CHIC1: variants seen among roughly 807,000 people sequenced by gnomAD.
The protein encoded by CHIC1 is cysteine-rich hydrophobic domain-containing protein 1.
Under a neutral mutation model 18.5 loss-of-function variants are expected in CHIC1, and 7 were observed. The ratio of observed to expected loss-of-function variants is 0.38; its 90% CI spans 0.22 to 0.71. The LOEUF is 0.71. CHIC1 is among the 30% of genes least tolerant of loss of function. The pLI is 0.49. For missense variants in CHIC1, 159 were observed against 176.9 expected (o/e 0.90, Z 0.57); for synonymous variants, 77 against 73.5 (o/e 1.05, Z -0.25).
intron 5 of CHIC1, among the ~76,000 whole-genome samples, 187 bp from the exon 6 acceptor site, chrX:73,680,768 A>G (rs1018033432): frequency 9.0e-6 from 1 of 111,215 alleles, no homozygotes; most frequent in African/African-American, 3.2e-5. Flanking sequence ...TAATTTTTAA[A>G]TTGCCAATCT....
intron 1 of CHIC1, among the ~76,000 whole-genome samples, chrX:73,575,019 A>C (rs1250301084): frequency 9.1e-6 from 1 of 109,930 alleles, no homozygotes; most frequent in Non-Finnish European, 1.9e-5. Flanking sequence ...CATTTCTTTA[A>C]AGTGACCCTA....
At chrX:73,656,753 G>T (rs1307782427) in intron 3 of CHIC1, among the ~76,000 whole-genome samples, 1 of 111,855 alleles carries the variant, frequency 8.9e-6, no homozygotes, top group Non-Finnish European at 1.9e-5. Context: ...CAGCTTTATT[G>T]TTTTTTGCTT....
chrX:73,614,417 A>G (rs777449490), intron 3 of CHIC1, among the ~76,000 whole-genome samples: 9 of 111,493 alleles, frequency 8.1e-5, no homozygotes, highest in African/African-American at 2.9e-4. Flanking sequence ...ATCTCTTGCT[A>G]GGAAACTTAG....
At chrX:73,581,804 G>A (rs1020269725) in intron 2 of CHIC1, among the ~76,000 whole-genome samples, 17 of 111,151 alleles carry the variant, frequency 1.5e-4, no homozygotes, top group African/African-American at 4.2e-4. Flanking sequence ...AAAGAAGAAA[G>A]TGTTGGCAGG....
At chrX:73,676,349 C>T (rs1357429575) in intron 3 of CHIC1, among the ~76,000 whole-genome samples, 1 of 112,087 alleles carries the variant, frequency 8.9e-6, no homozygotes, top group Non-Finnish European at 1.9e-5. Flanking sequence ...ATCCATTCTC[C>T]CTGTCACTTT....
chrX:73,608,072 T>C (rs1198783579), intron 3 of CHIC1, among the ~76,000 whole-genome samples: 1 of 109,483 alleles, frequency 9.1e-6, no homozygotes, highest in African/African-American at 3.5e-5. Context: ...TACACTTGAG[T>C]TAATTTTTAT....
Position 73,684,097 on chromosome X carries a change from G to A in CHIC1, c.*3092G>A, listed in dbSNP as rs1019403965. The A allele has an allele frequency of 9.0e-6, 1 of 111,605 alleles. No homozygotes were observed. The highest frequency in any genetic ancestry group is 3.2e-5 in the African/African-American group (1 of 30,787). 9.2% of individuals were successfully genotyped at this position (111,605 alleles called of 1,213,427 possible). A position where few individuals can be genotyped will look rare whatever the true frequency, so the allele number is the denominator to read the frequency against. On this transcript the variant is annotated 3_prime_UTR_variant, in exon 6 of 6. Coordinates refer to ENST00000373502, the MANE Select transcript of CHIC1 (RefSeq NM_001039840.4). ...CTAGGTCTAAGAATACTTTACTAGT[G>A]TATTATCTTTTATTTATTATGTAAA... is the stretch of plus-strand genomic sequence containing the variant.
intron 3 of CHIC1, among the ~76,000 whole-genome samples, chrX:73,667,735 G>C (rs912954682): frequency 9.0e-6 from 1 of 111,282 alleles, no homozygotes; most frequent in Non-Finnish European, 1.9e-5. Context: ...TAGTCTCATG[G>C]AAGACTGCTC....
chrX:73,588,311 T>TC (rs1284809861), intron 3 of CHIC1, among the ~76,000 whole-genome samples: 2 of 111,149 alleles, frequency 1.8e-5, no homozygotes, highest in Non-Finnish European at 3.8e-5. Flanking sequence ...CAACCACTGA[T>TC]CTACTTTCTC....
At chrX:73,651,747 A>G (rs974501101) in intron 3 of CHIC1, among the ~76,000 whole-genome samples, 1 of 111,688 alleles carries the variant, frequency 9.0e-6, no homozygotes, top group Non-Finnish European at 1.9e-5. Flanking sequence ...GAGGACACAA[A>G]CAAATGGAAA....
intron 3 of CHIC1, among the ~76,000 whole-genome samples, chrX:73,617,009 A>G: frequency 8.9e-6 from 1 of 112,473 alleles, no homozygotes; most frequent in Middle Eastern, 4.6e-3. Flanking sequence ...TTTCTATCAC[A>G]TCATCAGGCT....
chrX:73,668,836 C>G (rs2058016729), intron 3 of CHIC1, among the ~76,000 whole-genome samples: 1 of 112,514 alleles, frequency 8.9e-6, no homozygotes, highest in Non-Finnish European at 1.9e-5. Flanking sequence ...GATCAGGCAC[C>G]AACTTAAGCA....
intron 3 of CHIC1, among the ~76,000 whole-genome samples, chrX:73,636,889 T>A (rs926435326): frequency 3.8e-4 from 42 of 111,357 alleles, no homozygotes; most frequent in African/African-American, 1.3e-3. Context: ...CACAATTATT[T>A]TATGTGTTTA....
At chrX:73,576,102 G>A in intron 1 of CHIC1, among the ~76,000 whole-genome samples, 1 of 108,459 alleles carries the variant, frequency 9.2e-6, no homozygotes. Context: ...AAGTCTTTAG[G>A]GACAATAATC....
At chrX:73,625,266 A>C (rs750250018) in intron 3 of CHIC1, among the ~76,000 whole-genome samples, 29 of 111,865 alleles carry the variant, frequency 2.6e-4, no homozygotes, top group Non-Finnish European at 4.7e-4. Flanking sequence ...GGCAAAGCTC[A>C]AACTTGTCCC....
intron 3 of CHIC1, among the ~76,000 whole-genome samples, chrX:73,591,696 A>G (rs968903904): frequency 9.0e-6 from 1 of 111,652 alleles, no homozygotes; most frequent in Non-Finnish European, 1.9e-5. Context: ...GAATTTTAAG[A>G]GTTTGGCATT....
chrX:73,685,853 G>A lies in CHIC1; in HGVS notation c.*4848G>A, dbSNP rs1441901588. On this transcript the variant is annotated 3_prime_UTR_variant, in exon 6 of 6. Coordinates refer to ENST00000373502, the MANE Select transcript of CHIC1 (RefSeq NM_001039840.4). ...GTTATTAATCTCCTATGTGTTAAAC[G>A]TGGGTAATTGTATTATGTTAATACA... is the stretch of plus-strand genomic sequence containing the variant. The A allele has an allele frequency of 9.0e-6, 1 of 111,425 alleles. No individual in the cohort carries two copies. The highest frequency in any genetic ancestry group is 9.6e-5 in the Admixed American group (1 of 10,436). 9.2% of individuals were successfully genotyped at this position (111,425 alleles called of 1,213,427 possible).
intron 3 of CHIC1, among the ~76,000 whole-genome samples, chrX:73,629,566 T>A: frequency 8.9e-6 from 1 of 112,356 alleles, no homozygotes; most frequent in East Asian, 2.8e-4. Flanking sequence ...ATTATCCTTT[T>A]TCCAATGTGT....
intron 3 of CHIC1, among the ~76,000 whole-genome samples, chrX:73,667,406 T>C (rs950856327): frequency 9.0e-6 from 1 of 111,665 alleles, no homozygotes; most frequent in African/African-American, 3.3e-5. Context: ...TGTTAGCTGA[T>C]TATTTTGCAA....
Sources: gnomAD v4.1 joint callset for allele counts (sites outside exome capture counted in the v4.1 genomes callset) on GRCh38, gnomAD v4.1.1 for gene constraint, MANE v1.5 for transcripts, NCBI Gene and HGNC (gene_info 2026-07-23, HGNC 2026-07-21) for gene names.